The following PTPRM variants were observed in gnomAD, a reference collection of about 807,000 sequenced individuals.
The protein encoded by PTPRM is protein tyrosine phosphatase receptor type M, also known as receptor-type tyrosine-protein phosphatase mu.
Under a neutral mutation model 186.7 loss-of-function variants are expected in PTPRM, and 47 were observed. The ratio of observed to expected loss-of-function variants is 0.25; its 90% CI spans 0.20 to 0.32. The LOEUF (loss-of-function observed/expected upper bound fraction) is 0.32, where lower values mean the gene tolerates loss of function less well. PTPRM is among the 10% of genes least tolerant of loss of function. The probability of loss-of-function intolerance (pLI) is 1.00; values close to 1 mark genes in which losing one functional copy is unlikely to be tolerated. For synonymous variants in PTPRM, 668 were observed against 674.9 expected (o/e 0.99, Z 0.16); for missense variants, 1,494 against 1,865.0 (o/e 0.80, Z 3.66).
chr18:7,991,810 A>G (rs1320788598), intron 7 of PTPRM, among the ~76,000 whole-genome samples: 2 of 152,162 alleles, frequency 1.3e-5, no homozygotes, highest in African/African-American at 4.8e-5. Context: ...ATAAAGGCCC[A>G]TAAGTTATGG....
intron 4 of PTPRM, among the ~76,000 whole-genome samples, chr18:7,912,766 G>A (rs902573434): frequency 8.6e-5 from 13 of 151,862 alleles, no homozygotes; most frequent in African/African-American, 1.2e-4. Context: ...TGATCCGCCC[G>A]CCTCAGCCTC....
At chr18:7,839,380 C>A (rs1117815) in intron 2 of PTPRM, among the ~76,000 whole-genome samples, 42,496 of 145,454 alleles carry the variant, frequency 0.29, 7,427 homozygotes, top group Admixed American at 0.45. Flanking sequence ...CTATTCAGAA[C>A]CCTTGGACTC....
intron 8 of PTPRM, 114 bp from the exon 9 acceptor site, chr18:8,076,341 A>G (rs890955416): frequency 1.1e-5 from 7 of 653,170 alleles, no homozygotes; most frequent in African/African-American, 1.9e-5. Context: ...AATTGAGTAT[A>G]TGTGTGGACT....
At chr18:7,653,831 C>T (rs2038783740) in intron 1 of PTPRM, among the ~76,000 whole-genome samples, 1 of 152,054 alleles carries the variant, frequency 6.6e-6, no homozygotes, top group Admixed American at 6.5e-5. Context: ...GGGTATATAC[C>T]CAGTAATGGG....
At chr18:7,730,393 T>C (rs181749617) in intron 1 of PTPRM, among the ~76,000 whole-genome samples, 89 of 152,260 alleles carry the variant, frequency 5.8e-4, no homozygotes, top group Admixed American at 9.2e-4. Flanking sequence ...TTCCTATGGT[T>C]CCTCCTCAAG....
chr18:8,203,365 G>A (rs564423036), intron 14 of PTPRM, among the ~76,000 whole-genome samples: 17 of 148,136 alleles, frequency 1.1e-4, no homozygotes, highest in South Asian at 1.1e-3. Context: ...CACAAATTTC[G>A]GAAGTTTTTG....
chr18:7,899,946 A>C (rs2049571317), intron 3 of PTPRM, among the ~76,000 whole-genome samples: 1 of 152,222 alleles, frequency 6.6e-6, no homozygotes, highest in Non-Finnish European at 1.5e-5. Context: ...ATAATTGAAA[A>C]CAAGTCAAGC....
At chr18:8,158,170 A>G (rs10048238) in intron 14 of PTPRM, among the ~76,000 whole-genome samples, 18,486 of 152,238 alleles carry the variant, frequency 0.12, 1,241 homozygotes, top group Non-Finnish European at 0.15. Flanking sequence ...AACTGGTTCT[A>G]TCTGTGTCTC....
At chr18:7,748,853 A>G (rs2041073467) in intron 1 of PTPRM, among the ~76,000 whole-genome samples, 2 of 152,160 alleles carry the variant, frequency 1.3e-5, no homozygotes, top group South Asian at 2.1e-4. Context: ...GGAAGCCCTT[A>G]AGGAACTCCC....
chr18:8,116,114 A>G (rs1188856689), intron 13 of PTPRM, among the ~76,000 whole-genome samples: 4 of 152,226 alleles, frequency 2.6e-5, no homozygotes, highest in African/African-American at 9.6e-5. Context: ...GCTATCAGCT[A>G]TTAATTATTA....
At chr18:8,127,409 A>G (rs530946064) in intron 13 of PTPRM, among the ~76,000 whole-genome samples, 1 of 128,126 alleles carries the variant, frequency 7.8e-6, no homozygotes, top group East Asian at 2.5e-4. Flanking sequence ...CTCAGAGTCC[A>G]GCTGTATTGT....
rs917841499 is a variant in PTPRM, at chr18:8,017,030, T to A, written c.1133-52656T>A. ...TTCATTATATAAACCCATACCGATT[T>A]TTTTTCTACATTCATCTATAAATTA... is the stretch of plus-strand genomic sequence containing the variant. On this transcript the variant is annotated intron_variant, in intron 7 of 32. Coordinates refer to ENST00000580170, the MANE Select transcript of PTPRM (RefSeq NM_001105244.2). Among the ~76,000 whole-genome samples, 7 of 152,376 alleles carry A rather than the reference T, an allele frequency of 4.6e-5. No homozygotes were observed. The East Asian group carries it at 1.3e-3, about 29-fold the overall frequency.
chr18:8,023,831 G>GACAC (rs71354587), intron 7 of PTPRM, among the ~76,000 whole-genome samples: 2,024 of 110,244 alleles, frequency 0.018, 32 homozygotes, highest in African/African-American at 0.044. Flanking sequence ...ATTATCAGAA[G>GACAC]ACACACACAC....
At chr18:7,569,181 T>G (rs995531228) in intron 1 of PTPRM, among the ~76,000 whole-genome samples, 6 of 152,182 alleles carry the variant, frequency 3.9e-5, no homozygotes, top group Non-Finnish European at 8.8e-5. Context: ...GAAACCTTTT[T>G]ATTTTCTTGG....
At chr18:7,954,153 A>T (rs1326806546) in intron 6 of PTPRM, among the ~76,000 whole-genome samples, 2 of 152,314 alleles carry the variant, frequency 1.3e-5, no homozygotes, top group South Asian at 4.1e-4. Context: ...GCATCTAACT[A>T]ATATACTGGG....
chr18:8,181,967 G>T (rs1052013227), intron 14 of PTPRM, among the ~76,000 whole-genome samples: 2 of 152,094 alleles, frequency 1.3e-5, no homozygotes, highest in African/African-American at 4.8e-5. Context: ...TTTGTTGGGG[G>T]TCTTTAATTA....
intron 19 of PTPRM, among the ~76,000 whole-genome samples, chr18:8,286,777 T>C (rs1324145062): frequency 6.6e-6 from 1 of 152,188 alleles, no homozygotes; most frequent in Non-Finnish European, 1.5e-5. Flanking sequence ...TCTAACCTTA[T>C]TTTCTAAATT....
At chr18:8,053,451 T>G (rs2087659501) in intron 7 of PTPRM, among the ~76,000 whole-genome samples, 1 of 152,160 alleles carries the variant, frequency 6.6e-6, no homozygotes. Context: ...GCACCACTTG[T>G]GTTTCCCCCA....
chr18:7,988,232 C>G (rs866891952), intron 7 of PTPRM, among the ~76,000 whole-genome samples: 1 of 151,606 alleles, frequency 6.6e-6, no homozygotes, highest in African/African-American at 2.4e-5. Flanking sequence ...CAAAAAAAAA[C>G]CAAACAAACA....
Sources: allele counts gnomAD v4.1 joint callset (sites outside exome capture counted in the v4.1 genomes callset), GRCh38; gene constraint gnomAD v4.1.1; transcripts MANE v1.5; gene names NCBI Gene and HGNC (gene_info 2026-07-23, HGNC 2026-07-21).